Variants in SYNPO observed in about 807,000 individuals in gnomAD.
The protein encoded by SYNPO is synaptopodin.
In SYNPO, 19 loss-of-function variants were observed where a neutral mutation model predicts 49.5. The observed-to-expected ratio is 0.38, with a 90% confidence interval of 0.27 to 0.56. The LOEUF is 0.56. Among genes scored for constraint, SYNPO ranks in the 20% least tolerant of loss-of-function variants. The pLI is 0.68. For missense variants in SYNPO, 1,131 were observed against 1,248.3 expected (o/e 0.91, Z 1.42); for synonymous variants, 536 against 548.0 (o/e 0.98, Z 0.31).
At chr5:150,650,975 ACTG>A in intron 2 of SYNPO, 1 of 1,250,538 alleles carries the variant, frequency 8.0e-7, no homozygotes, top group Non-Finnish European at 1.0e-6. Flanking sequence ...TCGGCCCACC[ACTG>A]CTGTCTGACG....
At chr5:150,608,260 A>G (rs1407952772) in intron 1 of SYNPO, among the ~76,000 whole-genome samples, 1 of 152,220 alleles carries the variant, frequency 6.6e-6, no homozygotes, top group Non-Finnish European at 1.5e-5. Context: ...TTGATGTCTC[A>G]CAGGCAGAGC....
intron 2 of SYNPO, chr5:150,651,754 T>A (rs976902009): frequency 2.0e-6 from 2 of 1,000,324 alleles, no homozygotes; most frequent in Non-Finnish European, 2.4e-6. Context: ...ACAGACCAAC[T>A]GCATGTGTGT....
At chr5:150,634,119 C>T (rs901004498) in intron 2 of SYNPO, among the ~76,000 whole-genome samples, 1 of 152,154 alleles carries the variant, frequency 6.6e-6, no homozygotes, top group Non-Finnish European at 1.5e-5. Context: ...CTCTAAAGCC[C>T]AGTGGGTTCC....
At chr5:150,590,155 C>T in the SYNPO span, among the ~76,000 whole-genome samples, 1 of 152,254 alleles carries the variant, frequency 6.6e-6, no homozygotes, top group Non-Finnish European at 1.5e-5. Context: ...AAAGCGCCAG[C>T]CGCACAGGCT....
chr5:150,647,931 T>C lies in SYNPO; in HGVS notation c.-332-13T>C, dbSNP rs1758164312. On this transcript the variant is annotated splice_polypyrimidine_tract_variant and intron_variant, in intron 1 of 2. Transcript: ENST00000307662. Reference sequence around the variant, plus strand: ...TTCCTGTTTGCTAACTGGGCTTTTGTCCCTCCCTGTAGCGTTGGGCCGGAG... The same window carrying C: ...TTCCTGTTTGCTAACTGGGCTTTTGCCCCTCCCTGTAGCGTTGGGCCGGAG... The C allele has an allele frequency of 6.5e-7, 1 of 1,544,674 alleles. No individual in the cohort carries two copies. The highest frequency in any genetic ancestry group is 1.4e-5 in the African/African-American group (1 of 72,848).
At chr5:150,620,606 A>G (rs1253748723) in intron 2 of SYNPO, among the ~76,000 whole-genome samples, 1 of 152,252 alleles carries the variant, frequency 6.6e-6, no homozygotes, top group African/African-American at 2.4e-5. Flanking sequence ...GTCTGCGGAC[A>G]TCTTGGAATG....
chr5:150,590,186 C>G, the SYNPO span, among the ~76,000 whole-genome samples: 3 of 152,220 alleles, frequency 2.0e-5, no homozygotes, highest in African/African-American at 7.2e-5. Flanking sequence ...TGAGCTGGAG[C>G]CTGCCTCTGC....
upstream of SYNPO, among the ~76,000 whole-genome samples, chr5:150,599,228 C>G (rs770470804): frequency 6.6e-6 from 1 of 152,216 alleles, no homozygotes; most frequent in South Asian, 2.1e-4. Context: ...TTGAGTGAAA[C>G]GACGATCTCT....
Position 150,649,259 on chromosome 5 carries a change from C to T in SYNPO, c.984C>T (p.Ala328=), listed in dbSNP as rs144786636. 6.2e-7 allele frequency: 1 copy of T among 1,614,096 alleles called. No homozygotes were observed. The highest frequency in any genetic ancestry group is 8.5e-7 in the Non-Finnish European group (1 of 1,180,048). The change falls in exon 2 of 3, where the codon GCC becomes GCT. Residue 328 remains alanine, a synonymous_variant. Coordinates refer to ENST00000307662, the MANE Select transcript of SYNPO (RefSeq NM_007286.6). ...PPTYTETLST[A]PLASWVRSPP... is the part of the protein sequence containing the mutation. ...CCTACACTGAGACCTTGTCCACAGC[C>T]CCTCTGGCTTCCTGGGTGAGGTCTC... is the stretch of plus-strand genomic sequence containing the variant.
chr5:150,591,690 A>G, the SYNPO span, among the ~76,000 whole-genome samples: 1 of 152,256 alleles, frequency 6.6e-6, no homozygotes, highest in African/African-American at 2.4e-5. Flanking sequence ...GAAGATAGTA[A>G]CACTCACCGT....
intron 2 of SYNPO, among the ~76,000 whole-genome samples, chr5:150,620,275 A>G (rs940392593): frequency 3.3e-5 from 5 of 152,360 alleles, no homozygotes; most frequent in African/African-American, 1.2e-4. Flanking sequence ...GTATGTAAGA[A>G]ACGTTTATAC....
intron 2 of SYNPO, among the ~76,000 whole-genome samples, chr5:150,629,565 T>A (rs1255592029): frequency 6.6e-6 from 1 of 152,052 alleles, no homozygotes; most frequent in Non-Finnish European, 1.5e-5. Flanking sequence ...GACACCATGG[T>A]GTCAAGGGTC....
intron 1 of SYNPO, among the ~76,000 whole-genome samples, chr5:150,644,325 G>T (rs1446501998): frequency 2.0e-5 from 3 of 152,196 alleles, no homozygotes; most frequent in African/African-American, 7.2e-5. Context: ...TTTTGAAGAT[G>T]CAAGAATTGT....
chr5:150,656,423 C>T lies in SYNPO; in HGVS notation c.2048C>T (p.Pro683Leu). Reference protein sequence around the residue: ...IEAQDRRESLPTSPPWTPGAS... With the variant: ...IEAQDRRESLLTSPPWTPGAS... ...CCCCAGGACCGCCGGGAGAGCCTGC[C>T]CACCTCCCCACCCTGGACGCCGGGC... The change falls in exon 3 of 3, where the codon CCC becomes CTC. Residue 683 changes from proline (P) to leucine (L), a missense_variant. Pro to Leu is a moderately conservative substitution (Grantham distance 98). Around this residue, in one of 4 missense-constraint regions of SYNPO, gnomAD observed 509 missense variants for 484.5 expected, o/e 1.05. Coordinates refer to ENST00000307662, the MANE Select transcript of SYNPO (RefSeq NM_007286.6). 1 of 1,531,740 alleles carries T rather than the reference C, an allele frequency of 6.5e-7. No individual in the cohort carries two copies. Among genetic ancestry groups the T allele is most frequent in the Non-Finnish European group, 8.7e-7 (1 of 1,145,138 alleles). 94.9% of individuals were successfully genotyped at this position (1,531,740 alleles called of 1,614,324 possible). A position where few individuals can be genotyped will look rare whatever the true frequency, so the allele number is the denominator to read the frequency against.
chr5:150,649,010 C>T lies in SYNPO; in HGVS notation c.735C>T (p.Ile245=). Residue 245 remains isoleucine, a synonymous_variant, in exon 2 of 3, where the codon ATC becomes ATT. Coordinates refer to ENST00000307662, the MANE Select transcript of SYNPO (RefSeq NM_007286.6). ...VVNRTARPFG[I]QAPGGTSQME... is the part of the protein sequence containing the mutation. The stretch of plus-strand genomic sequence containing the variant: ...ACAGGACGGCCAGGCCTTTTGGGAT[C>T]CAGGCGCCAGGGGGCACCAGCCAGA... 6.2e-7 allele frequency: 1 copy of T among 1,614,218 alleles called. No homozygotes were observed. Among genetic ancestry groups the T allele is most frequent in the Non-Finnish European group, 8.5e-7 (1 of 1,180,024 alleles).
At chr5:150,643,642 C>A (rs1757987093) in intron 1 of SYNPO, among the ~76,000 whole-genome samples, 1 of 152,158 alleles carries the variant, frequency 6.6e-6, no homozygotes, top group Non-Finnish European at 1.5e-5. Context: ...TCAAGCGATT[C>A]TTTTGCCTCA....
chr5:150,592,436 G>A, the SYNPO span, among the ~76,000 whole-genome samples: 1 of 152,130 alleles, frequency 6.6e-6, no homozygotes, highest in Non-Finnish European at 1.5e-5. Flanking sequence ...AAGTGATATT[G>A]GATAGTTCCA....
upstream of SYNPO, among the ~76,000 whole-genome samples, chr5:150,597,018 G>A (rs754241620): frequency 2.0e-5 from 3 of 152,222 alleles, no homozygotes; most frequent in Admixed American, 6.5e-5. Flanking sequence ...GTGAGGGTTG[G>A]GGACCTAGTG....
At chr5:150,646,664 G>A (rs1282624561) in intron 1 of SYNPO, among the ~76,000 whole-genome samples, 1 of 152,094 alleles carries the variant, frequency 6.6e-6, no homozygotes, top group African/African-American at 2.4e-5. Flanking sequence ...TGTCGAGGCT[G>A]CAATGAGCTG....
Sources: allele counts gnomAD v4.1 joint callset (sites outside exome capture counted in the v4.1 genomes callset), GRCh38; gene constraint gnomAD v4.1.1; regional missense constraint gnomAD v4.1.1; transcripts MANE v1.5; gene names NCBI Gene and HGNC (gene_info 2026-07-23, HGNC 2026-07-21).